Variants in TBCD observed in about 807,000 individuals in gnomAD.
TBCD encodes the protein tubulin-specific chaperone D.
Under a neutral mutation model 169.3 loss-of-function variants are expected in TBCD, and 105 were observed. The observed-to-expected ratio is 0.62, with a 90% CI of 0.53 to 0.73. The LOEUF is 0.73. Ranked by LOEUF, TBCD falls within the 30% of genes least tolerant of loss-of-function variation. The pLI is 0.00. For synonymous variants in TBCD, 700 were observed against 643.9 expected, an observed-to-expected ratio of 1.09 and a Z score of -1.32; for missense variants, 1,444 against 1,600.1, an observed-to-expected ratio of 0.90 and a Z score of 1.66.
chr17:82,766,987 C>T (rs1430799277), intron 4 of TBCD, among the ~76,000 whole-genome samples: 1 of 152,210 alleles, frequency 6.6e-6, no homozygotes, highest in Non-Finnish European at 1.5e-5. Flanking sequence ...CTCTGCCTGG[C>T]ACGAAACGAA....
chr17:82,788,428 C>T (rs746358378), intron 7 of TBCD, among the ~76,000 whole-genome samples: 21 of 152,022 alleles, frequency 1.4e-4, no homozygotes, highest in Non-Finnish European at 2.5e-4. Context: ...GACTGCGAGA[C>T]GGGGCTGTTG....
At chr17:82,759,066 G>A (rs558288997) in intron 2 of TBCD, among the ~76,000 whole-genome samples, 1 of 152,312 alleles carries the variant, frequency 6.6e-6, no homozygotes, top group East Asian at 1.9e-4. Context: ...CCAGGCTGGA[G>A]TGTAGTGGCG....
chr17:82,925,491 C>T (rs902441471), intron 27 of TBCD, among the ~76,000 whole-genome samples: 16 of 152,156 alleles, frequency 1.1e-4, no homozygotes, highest in Non-Finnish European at 1.9e-4. Flanking sequence ...TGCTCTCTCA[C>T]GCTTTCCTGT....
intron 13 of TBCD, among the ~76,000 whole-genome samples, chr17:82,862,381 G>A (rs1483364080): frequency 2.0e-5 from 3 of 151,912 alleles, no homozygotes; most frequent in East Asian, 1.9e-4. Context: ...GGAGGAAGCC[G>A]GAGGGAGAAG....
In TBCD at chr17:82,906,063, G is replaced by A; in HGVS notation, c.1922+10G>A. On this transcript the variant is annotated intron_variant, in intron 20 of 38. Transcript: ENST00000355528. ...CAGCCCAAGAGAACAGGTAGGAAGA[G>A]TGGGTCTCGAGGAGACACAGGGCTC... 3 of 1,590,570 alleles carry A rather than the reference G, an allele frequency of 1.9e-6. No homozygotes were observed. The highest frequency in any genetic ancestry group is 1.1e-5 in the South Asian group (1 of 87,828).
chr17:82,807,720 G>T, intron 11 of TBCD, 52 bp downstream of exon 11: 1 of 1,350,168 alleles, frequency 7.4e-7, no homozygotes. Context: ...GGCCTCTCCT[G>T]TGCGATTCAG....
At chr17:82,899,976 T>C (rs1422399954) in intron 17 of TBCD, among the ~76,000 whole-genome samples, 1 of 152,236 alleles carries the variant, frequency 6.6e-6, no homozygotes, top group Non-Finnish European at 1.5e-5. Flanking sequence ...CTTTATATAT[T>C]CTGTTACAAG....
intron 7 of TBCD, among the ~76,000 whole-genome samples, chr17:82,790,640 C>T (rs74522721): frequency 1.3e-5 from 2 of 152,154 alleles, no homozygotes; most frequent in African/African-American, 4.8e-5. Flanking sequence ...GTGCACCCTG[C>T]CGCCCCCAGC....
intron 13 of TBCD, among the ~76,000 whole-genome samples, chr17:82,823,893 T>G (rs2052611748): frequency 6.6e-6 from 1 of 152,160 alleles, no homozygotes; most frequent in Non-Finnish European, 1.5e-5. Flanking sequence ...GTTCCAAAAC[T>G]TCTCATCACC....
rs148890461 is a variant in TBCD, at chr17:82,764,580, G to A, written c.333+518G>A. 9.0e-3 allele frequency among the ~76,000 whole-genome samples: 1,373 copies of A among 152,290 alleles called. 16 individuals are homozygous for A. The highest frequency in any genetic ancestry group is 0.032 in the African/African-American group (1,330 of 41,546). ...GAATGGCTTGAACCTGAGAGGCAGA[G>A]GTTGCAGTGAGCCGAGATCATGCTG... On this transcript the variant is annotated intron_variant, in intron 3 of 38. Coordinates refer to ENST00000355528, the MANE Select transcript of TBCD (RefSeq NM_005993.5).
intron 13 of TBCD, among the ~76,000 whole-genome samples, chr17:82,851,974 A>G (rs778161617): frequency 1.3e-5 from 2 of 152,184 alleles, no homozygotes; most frequent in African/African-American, 2.4e-5. Flanking sequence ...TGTTGACCCC[A>G]TAGGATTTTT....
rs568355143 is a variant in TBCD at position 82,795,647 on chromosome 17, G to A, written c.772-2110G>A. The A allele has an allele frequency of 8.4e-6, 8 of 955,374 alleles. No individual in the cohort carries two copies. The East Asian group carries it at 4.6e-4, about 55-fold the overall frequency. The allele number at this position is 955,374 out of a possible 1,614,324, so 59.2% of individuals were successfully genotyped here. On this transcript the variant is annotated intron_variant, in intron 7 of 38. Transcript: ENST00000355528. ...GCAGGTTCATTTGTTGTGGAACAACGTACTCCACAGCTGGTGGCATCAGTG... is the reference window on the plus strand; with the variant it reads ...GCAGGTTCATTTGTTGTGGAACAACATACTCCACAGCTGGTGGCATCAGTG...
intron 13 of TBCD, among the ~76,000 whole-genome samples, chr17:82,865,283 C>T (rs965363489): frequency 1.3e-5 from 2 of 151,810 alleles, no homozygotes; most frequent in African/African-American, 4.8e-5. Context: ...TGTGCTGGTG[C>T]TGAAGGGAGG....
chr17:82,907,933 A>C, intron 21 of TBCD, 112 bp downstream of exon 21: 2 of 1,174,238 alleles, frequency 1.7e-6, no homozygotes, highest in Non-Finnish European at 2.4e-6. Context: ...ACTGTGCTCC[A>C]TCAGTCCTGG....
chr17:82,778,655 G>C (rs916550071), intron 6 of TBCD, among the ~76,000 whole-genome samples: 4 of 149,770 alleles, frequency 2.7e-5, no homozygotes, highest in African/African-American at 9.9e-5. Flanking sequence ...TTTTGAGACG[G>C]AGCTTTGCTC....
rs960922440 is a variant in TBCD, at chr17:82,890,008, G to C, written c.1563+311G>C. On this transcript the variant is annotated intron_variant, in intron 16 of 38. Coordinates refer to ENST00000355528, the MANE Select transcript of TBCD (RefSeq NM_005993.5). This position sits in a 1 kb window ranked among gnomAD's most constrained non-coding sequence, Gnocchi z 5.3. The stretch of plus-strand genomic sequence containing the variant: ...ACCAGCCTGGCCTTGCGGGGACGCA[G>C]ACCTGACCCCGCCTCATCCCACACA... Among the ~76,000 whole-genome samples, 1 of 152,176 alleles carries C rather than the reference G, an allele frequency of 6.6e-6. No individual in the cohort carries two copies. Among genetic ancestry groups the C allele is most frequent in the African/African-American group, 2.4e-5 (1 of 41,454 alleles).
At chr17:82,830,046 A>T in intron 13 of TBCD, 1 of 1,565,982 alleles carries the variant, frequency 6.4e-7, no homozygotes, top group Non-Finnish European at 8.7e-7. Flanking sequence ...TGCATTTGTA[A>T]AAATGTGAAA....
At chr17:82,836,982 C>A (rs996920383) in intron 13 of TBCD, among the ~76,000 whole-genome samples, 1 of 152,068 alleles carries the variant, frequency 6.6e-6, no homozygotes, top group African/African-American at 2.4e-5. Flanking sequence ...GAATTGGTGT[C>A]GATATGGAGT....
At chr17:82,858,187 T>A (rs1471064855) in intron 13 of TBCD, among the ~76,000 whole-genome samples, 1 of 152,180 alleles carries the variant, frequency 6.6e-6, no homozygotes, top group Non-Finnish European at 1.5e-5. Flanking sequence ...ATGCTGGGAT[T>A]ACGAACATGA....
Sources: gnomAD v4.1 joint callset for allele counts (sites outside exome capture counted in the v4.1 genomes callset) on GRCh38, gnomAD v4.1.1 for gene constraint, Gnocchi (gnomAD v3.1) non-coding constraint, MANE v1.5 for transcripts, NCBI Gene and HGNC (gene_info 2026-07-23, HGNC 2026-07-21) for gene names.